Variants in AMOTL1 observed in about 807,000 individuals in gnomAD.
AMOTL1 encodes angiomotin-like protein 1.
A neutral mutation model predicts 102.9 loss-of-function variants in AMOTL1; 45 were observed. That is an observed-to-expected ratio of 0.44 (90% confidence interval 0.34 to 0.56). The LOEUF (loss-of-function observed/expected upper bound fraction) is 0.56. AMOTL1 is among the 20% of genes least tolerant of loss of function. AMOTL1 has a pLI of 0.01. For missense variants in AMOTL1, 1,114 were observed against 1,225.6 expected (o/e 0.91, Z 1.36); for synonymous variants, 481 against 484.7 (o/e 0.99, Z 0.10).
chr11:94,713,788 CTTTTT>C (rs1442969696), intron 1 of AMOTL1, among the ~76,000 whole-genome samples: 16 of 151,700 alleles, frequency 1.1e-4, no homozygotes, highest in Admixed American at 1.1e-3. Flanking sequence ...TCTTCTTTTT[CTTTTT>C]TCTTTGGTAA....
At chr11:94,768,088 A>G (rs1950877771), upstream of AMOTL1, among the ~76,000 whole-genome samples, 1 of 152,192 alleles carries the variant, frequency 6.6e-6, no homozygotes, top group African/African-American at 2.4e-5. Context: ...AGAACTGGTG[A>G]GTCTGAAATT....
intron 1 of AMOTL1, among the ~76,000 whole-genome samples, chr11:94,721,006 A>C (rs544371231): frequency 6.6e-6 from 1 of 152,260 alleles, no homozygotes; most frequent in East Asian, 1.9e-4. Context: ...GCTTAAAGTA[A>C]ACATGCTAAG....
At chr11:94,734,305 A>C (rs908737040) in intron 2 of AMOTL1, among the ~76,000 whole-genome samples, 3 of 152,228 alleles carry the variant, frequency 2.0e-5, no homozygotes, top group Admixed American at 6.5e-5. Context: ...ATTACGAAAC[A>C]AAGTAGTTAC....
intron 6 of AMOTL1, among the ~76,000 whole-genome samples, chr11:94,841,474 GA>G (rs1170290623): frequency 1.3e-5 from 2 of 152,026 alleles, no homozygotes; most frequent in Non-Finnish European, 2.9e-5. Flanking sequence ...AAAGAAAAAA[GA>G]AGGCAAAAAA....
chr11:94,836,477 C>T (rs1286733326), intron 6 of AMOTL1, among the ~76,000 whole-genome samples: 1 of 152,164 alleles, frequency 6.6e-6, no homozygotes, highest in Non-Finnish European at 1.5e-5. Context: ...ATTCATCCCC[C>T]ACCAAAACCC....
chr11:94,717,856 A>G (rs1254561488), intron 1 of AMOTL1, among the ~76,000 whole-genome samples: 4 of 151,920 alleles, frequency 2.6e-5, no homozygotes, highest in Non-Finnish European at 5.9e-5. Flanking sequence ...GGCAAAGTAC[A>G]TGAACAGGCT....
chr11:94,716,045 TTTTG>T (rs536769985), intron 1 of AMOTL1, among the ~76,000 whole-genome samples: 3 of 152,084 alleles, frequency 2.0e-5, no homozygotes, highest in Non-Finnish European at 4.4e-5. Flanking sequence ...CTGTTAAATT[TTTTG>T]TTTATTTTTC....
At position 94,789,418 on chromosome 11, in the gene AMOTL1, C is replaced by T. The variant is rs553023098; in HGVS notation, c.50-5593C>T. On this transcript the variant is annotated intron_variant, in intron 1 of 12. Coordinates refer to ENST00000433060, the MANE Select transcript of AMOTL1 (RefSeq NM_130847.3). ...AAGTAATCCACCCTCCTCGGCCTCC[C>T]GAAGTGCTGGGATTACAGGCTTGAG... is the stretch of plus-strand genomic sequence containing the variant. Among the ~76,000 whole-genome samples the T allele has an allele frequency of 7.2e-5, 11 of 152,344 alleles. No individual in the cohort carries two copies. The South Asian group carries it at 1.0e-3, about 14-fold the overall frequency.
intron 3 of AMOTL1, among the ~76,000 whole-genome samples, chr11:94,807,980 A>G (rs1951597041): frequency 1.6e-5 from 2 of 127,482 alleles, no homozygotes; most frequent in Admixed American, 1.8e-4. Flanking sequence ...GTGAATGGCA[A>G]ATAAATCTTG....
chr11:94,738,815 G>A (rs1237696760), intron 2 of AMOTL1, among the ~76,000 whole-genome samples: 1 of 152,150 alleles, frequency 6.6e-6, no homozygotes, highest in Non-Finnish European at 1.5e-5. Flanking sequence ...GTGGGGTCAA[G>A]GACACATTGG....
chr11:94,831,112 G>A (rs561763182), intron 5 of AMOTL1, among the ~76,000 whole-genome samples: 1 of 152,130 alleles, frequency 6.6e-6, no homozygotes, highest in Non-Finnish European at 1.5e-5. Flanking sequence ...TTAGACTAGG[G>A]CTGGGTTTGA....
At chr11:94,764,519 A>G (rs117378076), upstream of AMOTL1, among the ~76,000 whole-genome samples, 106 of 152,316 alleles carry the variant, frequency 7.0e-4, 3 homozygotes, top group East Asian at 0.02. Flanking sequence ...TGTTCATTCA[A>G]CAGTCATTAA....
At chr11:94,716,257 A>G (rs1030811994) in intron 1 of AMOTL1, among the ~76,000 whole-genome samples, 2 of 152,084 alleles carry the variant, frequency 1.3e-5, no homozygotes, top group African/African-American at 4.8e-5. Context: ...GTTTCAAGAA[A>G]ATCTGTAACT....
At position 94,796,644 on chromosome 11, in the gene AMOTL1, T is replaced by C. The variant is rs1161856909; in HGVS notation, c.199+1484T>C. On this transcript the variant is annotated intron_variant, in intron 2 of 12. Coordinates refer to ENST00000433060, the MANE Select transcript of AMOTL1 (RefSeq NM_130847.3). ...TGGGGGAGCTTGTTGGTGTAGAAAC[T>C]AGGGCTTGGTTGTGATTTGTAACTG... Among the ~76,000 whole-genome samples, 4 of 152,136 alleles carry C rather than the reference T, an allele frequency of 2.6e-5. 1 individual carries two copies. Among genetic ancestry groups the C allele is most frequent in the Admixed American group, 2.0e-4 (3 of 15,282 alleles).
intron 1 of AMOTL1, among the ~76,000 whole-genome samples, chr11:94,716,015 C>A (rs1950090500): frequency 6.6e-6 from 1 of 151,986 alleles, no homozygotes; most frequent in African/African-American, 2.4e-5. Flanking sequence ...TTGTTTTGAT[C>A]CTACAGAGCC....
At chr11:94,849,988 AG>A in intron 6 of AMOTL1, 125 bp from the exon 7 acceptor site, 1 of 1,179,942 alleles carries the variant, frequency 8.5e-7, no homozygotes, top group Non-Finnish European at 1.2e-6. Context: ...GAGCAGAAAC[AG>A]CAATTCAGTC....
At chr11:94,735,530 C>T (rs1463149350) in intron 2 of AMOTL1, among the ~76,000 whole-genome samples, 3 of 152,104 alleles carry the variant, frequency 2.0e-5, no homozygotes, top group Non-Finnish European at 4.4e-5. Flanking sequence ...TAAGACTTTT[C>T]TTCTATGACT....
intron 3 of AMOTL1, among the ~76,000 whole-genome samples, chr11:94,809,415 A>G (rs1951631053): frequency 6.6e-6 from 1 of 152,172 alleles, no homozygotes; most frequent in Non-Finnish European, 1.5e-5. Flanking sequence ...TCTGTGTCTG[A>G]GAGTGTGTAC....
chr11:94,829,420 A>G (rs1952032097), intron 4 of AMOTL1, among the ~76,000 whole-genome samples: 2 of 151,986 alleles, frequency 1.3e-5, no homozygotes, highest in African/African-American at 4.8e-5. Flanking sequence ...GCAAGGTTTC[A>G]CCATGTTGGC....
Sources: allele counts gnomAD v4.1 joint callset (sites outside exome capture counted in the v4.1 genomes callset), GRCh38; gene constraint gnomAD v4.1.1; transcripts MANE v1.5; gene names NCBI Gene and HGNC (gene_info 2026-07-23, HGNC 2026-07-21).